The following TEX11 variants were observed in gnomAD, a reference collection of about 807,000 sequenced individuals.
The protein encoded by TEX11 is testis expressed 11.
In TEX11, 7 loss-of-function variants were observed where a neutral mutation model predicts 84.4. The ratio of observed to expected loss-of-function variants is 0.08; its 90% CI spans 0.05 to 0.16. The LOEUF (loss-of-function observed/expected upper bound fraction) is 0.16, where lower values mean the gene tolerates loss of function less well. Ranked by LOEUF, TEX11 falls within the 10% of genes least tolerant of loss-of-function variation. TEX11 has a pLI of 1.00. For missense variants in TEX11, 551 were observed against 660.5 expected (o/e 0.83, Z 1.82); for synonymous variants, 264 against 222.8 (o/e 1.18, Z -1.64).
Position 70,860,923 on chromosome X carries a change from A to G in TEX11, c.258T>C (p.Ala86=). ...CTTCACACATACTCAGCAACTTGCA[A>G]GCAACATAATGTACTGCAAAACAGT... The part of the protein sequence containing the change: ...EEQKIRLHYV[A]CKLLSMCEAS... Residue 86 remains alanine (A), a synonymous_variant, in exon 5 of 30, where the codon GCT becomes GCC. Transcript: ENST00000374333. The G allele has an allele frequency of 8.5e-7, 1 of 1,182,403 alleles. No homozygotes were observed. Among genetic ancestry groups the G allele is most frequent in the Non-Finnish European group, 1.1e-6 (1 of 879,932 alleles).
chrX:70,693,130 A>G (rs1454330205), intron 13 of TEX11, among the ~76,000 whole-genome samples: 1 of 111,485 alleles, frequency 9.0e-6, no homozygotes, highest in Non-Finnish European at 1.9e-5. Flanking sequence ...AATCCCAGCT[A>G]CTTGGGAGGC....
At chrX:70,725,887 C>T (rs1255110979) in intron 11 of TEX11, among the ~76,000 whole-genome samples, 2 of 111,804 alleles carry the variant, frequency 1.8e-5, no homozygotes, top group African/African-American at 3.3e-5. Context: ...ACTAAAAGTA[C>T]AGTCTAGGCC....
intron 16 of TEX11, among the ~76,000 whole-genome samples, chrX:70,654,390 G>A (rs1282260988): frequency 9.0e-6 from 1 of 110,731 alleles, no homozygotes; most frequent in East Asian, 2.8e-4. Context: ...GAAGGCAAGT[G>A]AGGAGAGAAA....
At chrX:70,566,483 A>G (rs1305156752) in intron 25 of TEX11, among the ~76,000 whole-genome samples, 1 of 110,745 alleles carries the variant, frequency 9.0e-6, no homozygotes, top group East Asian at 2.8e-4. Flanking sequence ...CTCTTGTGCC[A>G]GTTTTCAAAG....
intron 7 of TEX11, among the ~76,000 whole-genome samples, chrX:70,849,993 C>T (rs763028107): frequency 4.5e-5 from 5 of 111,709 alleles, no homozygotes; most frequent in Non-Finnish European, 9.4e-5. Context: ...GATATTCACA[C>T]CTTTGCTTAC....
chrX:70,890,669 C>CT lies in TEX11; in HGVS notation c.38-10561dup, dbSNP rs754655044. ...GCAGGGGGAGGGGGGTCTGCCATTGCTGAGGCTTGAGTAGGTAAACAAAGC... is the reference window on the plus strand; with the variant it reads ...GCAGGGGGAGGGGGGTCTGCCATTGCTTGAGGCTTGAGTAGGTAAACAAAGC... On this transcript the variant is annotated intron_variant, in intron 2 of 29. Transcript: ENST00000374333. Among the ~76,000 whole-genome samples, 4 of 112,309 alleles carry CT rather than the reference C, an allele frequency of 3.6e-5. No homozygotes were observed. The South Asian group carries it at 1.5e-3, about 42-fold the overall frequency.
intron 28 of TEX11, among the ~76,000 whole-genome samples, 183 bp from the exon 29 acceptor site, chrX:70,530,182 T>C (rs1337614576): frequency 9.0e-6 from 1 of 111,495 alleles, no homozygotes; most frequent in African/African-American, 3.3e-5. Flanking sequence ...AGCTGTAGAA[T>C]GTTCCATAGC....
At chrX:70,527,967 G>A (rs769095110), downstream of TEX11, among the ~76,000 whole-genome samples, 1 of 112,241 alleles carries the variant, frequency 8.9e-6, no homozygotes, top group Non-Finnish European at 1.9e-5. Flanking sequence ...GAGGAAAAAG[G>A]TAGTGTAATC....
intron 3 of TEX11, among the ~76,000 whole-genome samples, chrX:70,877,531 T>C (rs186416713): frequency 1.1e-3 from 127 of 111,773 alleles, no homozygotes; most frequent in Non-Finnish European, 2.1e-3. Context: ...ATTCTGGGTA[T>C]ATATCCAAAA....
chrX:70,802,003 C>T (rs2091192058), intron 9 of TEX11, among the ~76,000 whole-genome samples: 1 of 111,565 alleles, frequency 9.0e-6, no homozygotes, highest in East Asian at 2.8e-4. Context: ...AACAAAACAA[C>T]TAACATACAA....
chrX:70,852,952 T>C (rs2091516651), intron 7 of TEX11, 82 bp downstream of exon 7: 9 of 975,731 alleles, frequency 9.2e-6, no homozygotes, highest in Non-Finnish European at 1.3e-5. Context: ...CTGACTTTCT[T>C]CCAATAGGCT....
chrX:70,690,568 T>C (rs957872530), intron 13 of TEX11, among the ~76,000 whole-genome samples: 1 of 110,287 alleles, frequency 9.1e-6, no homozygotes. Flanking sequence ...TAGCTGAGTG[T>C]GGTGGTGTGT....
intron 25 of TEX11, among the ~76,000 whole-genome samples, chrX:70,561,709 T>G (rs1475692118): frequency 9.0e-6 from 1 of 111,269 alleles, no homozygotes; most frequent in East Asian, 2.8e-4. Flanking sequence ...TTTTAAAACT[T>G]TATTCCAAAT....
chrX:70,705,659 A>ATG (rs1439209934), intron 13 of TEX11, among the ~76,000 whole-genome samples: 14 of 112,329 alleles, frequency 1.2e-4, no homozygotes, highest in Admixed American at 1.2e-3. Context: ...GGATATGAGC[A>ATG]GACACTTCTC....
intron 9 of TEX11, among the ~76,000 whole-genome samples, chrX:70,750,121 C>T (rs1156710647): frequency 1.8e-5 from 2 of 111,695 alleles, no homozygotes; most frequent in African/African-American, 6.5e-5. Flanking sequence ...AGGACATGAA[C>T]AGACACTTCT....
At chrX:70,772,873 A>T (rs2090979674) in intron 9 of TEX11, among the ~76,000 whole-genome samples, 1 of 111,048 alleles carries the variant, frequency 9.0e-6, no homozygotes, top group Admixed American at 9.7e-5. Flanking sequence ...AGAGAGCTTC[A>T]ACAGAAGACT....
At chrX:70,675,063 T>C (rs2090058846) in intron 15 of TEX11, among the ~76,000 whole-genome samples, 1 of 111,556 alleles carries the variant, frequency 9.0e-6, no homozygotes, top group African/African-American at 3.3e-5. Context: ...ATGGTATACT[T>C]CCATTTCTCT....
intron 24 of TEX11, among the ~76,000 whole-genome samples, chrX:70,604,512 T>C (rs2089173013): frequency 9.0e-6 from 1 of 111,492 alleles, no homozygotes; most frequent in African/African-American, 3.3e-5. Flanking sequence ...TCAAATGTTT[T>C]TTGAGTTGAA....
At chrX:70,888,091 A>G (rs751270374) in intron 2 of TEX11, among the ~76,000 whole-genome samples, 10 of 113,010 alleles carry the variant, frequency 8.8e-5, no homozygotes, top group South Asian at 3.6e-4. Flanking sequence ...AAAGCCTTCC[A>G]AAGAAGGACA....
Sources: gnomAD v4.1 joint callset for allele counts (sites outside exome capture counted in the v4.1 genomes callset) on GRCh38, gnomAD v4.1.1 for gene constraint, MANE v1.5 for transcripts, NCBI Gene and HGNC (gene_info 2026-07-23, HGNC 2026-07-21) for gene names.